Variants in NID2 observed in about 807,000 individuals in gnomAD.
NID2 encodes nidogen-2.
A neutral mutation model predicts 145.4 loss-of-function variants in NID2; 83 were observed. The ratio of observed to expected loss-of-function variants is 0.57; its 90% confidence interval spans 0.48 to 0.69. NID2 has a LOEUF of 0.69. Among genes scored for constraint, NID2 ranks in the 30% least tolerant of loss-of-function variants. NID2 has a pLI of 0.00. For synonymous variants in NID2, 739 were observed against 701.3 expected, an observed-to-expected ratio of 1.05 and a Z score of -0.85; for missense variants, 1,807 against 1,765.7, an observed-to-expected ratio of 1.02 and a Z score of -0.42.
intron 7 of NID2, 66 bp from the exon 8 acceptor site, chr14:52,040,917 A>G (rs917200050): frequency 1.4e-6 from 2 of 1,415,456 alleles, no homozygotes; most frequent in Non-Finnish European, 2.0e-6. Context: ...ACCAGTATAT[A>G]CTGCCCGCTC....
At position 52,005,805 on chromosome 14, in the gene NID2, TC is replaced by T; in HGVS notation, c.4048del (p.Asp1350MetfsTer14). The stretch of plus-strand genomic sequence containing the variant: ...AGATCGTTGTTCTGGGAGATACTCA[TC>T]AGTAAACTGGCCACTATGTTTATTT... The part of the protein sequence containing the change: ...SVNKHSGQFT[D>X]EYLPEQRSHL... On this transcript the variant is annotated frameshift_variant, in exon 21 of 22. Coordinates refer to ENST00000216286, the MANE Select transcript of NID2 (RefSeq NM_007361.4). LOFTEE classifies it high-confidence loss of function. The T allele has an allele frequency of 6.2e-7, 1 of 1,613,878 alleles. No homozygotes were observed. The highest frequency in any genetic ancestry group is 8.5e-7 in the Non-Finnish European group (1 of 1,179,786).
At chr14:52,043,821 T>C (rs1369819173) in intron 5 of NID2, among the ~76,000 whole-genome samples, 1 of 152,088 alleles carries the variant, frequency 6.6e-6, no homozygotes, top group Non-Finnish European at 1.5e-5. Context: ...AGGAGGGTGC[T>C]TTCTCCGGGG....
At position 52,007,809 on chromosome 14, in the gene NID2, C is replaced by T. The variant is rs781719710; in HGVS notation, c.3880+1G>A. ...TATTTGCATTCCATCAGTAGTATTA[C>T]CTGCATCTGCCCAGCAGAGCAGTTT... On this transcript the variant is annotated splice_donor_variant, in intron 19 of 21. Transcript: ENST00000216286. LOFTEE classifies it high-confidence loss of function. The T allele has an allele frequency of 6.2e-7, 1 of 1,612,946 alleles. No individual in the cohort carries two copies. The highest frequency in any genetic ancestry group is 8.5e-7 in the Non-Finnish European group (1 of 1,179,442).
chr14:52,045,041 G>A (rs1167967113), intron 5 of NID2, among the ~76,000 whole-genome samples: 2 of 152,188 alleles, frequency 1.3e-5, no homozygotes, highest in Non-Finnish European at 2.9e-5. Flanking sequence ...TCTAGCTGGA[G>A]AATCTTAACT....
intron 14 of NID2, among the ~76,000 whole-genome samples, chr14:52,015,644 G>A (rs1226443719): frequency 2.6e-5 from 4 of 152,176 alleles, no homozygotes; most frequent in South Asian, 2.1e-4. Context: ...TGTACCTCGG[G>A]CGCCTCTGCT....
chr14:52,030,471 C>CAA (rs2140378793), intron 9 of NID2, among the ~76,000 whole-genome samples: 2 of 23,012 alleles, frequency 8.7e-5, no homozygotes, highest in South Asian at 2.7e-3. Flanking sequence ...GACCTTATCT[C>CAA]GAGAGAAAGA....
At position 52,020,507 on chromosome 14, in the gene NID2, C is replaced by G. The variant is rs960491107; in HGVS notation, c.2675-329G>C. ...ATTCAAGGAAGTTATTACCTTTGAA[C>G]TAACCTTTAGACTATAAGTCATTAA... On this transcript the variant is annotated intron_variant, in intron 12 of 21. Coordinates refer to ENST00000216286, the MANE Select transcript of NID2 (RefSeq NM_007361.4). Among the ~76,000 whole-genome samples the G allele has an allele frequency of 3.3e-5, 5 of 152,316 alleles. No individual in the cohort carries two copies. The East Asian group carries it at 9.6e-4, about 29-fold the overall frequency.
intron 19 of NID2, 29 bp from the exon 20 acceptor site, chr14:52,006,689 C>T (rs769637376): frequency 2.5e-6 from 4 of 1,611,006 alleles, no homozygotes; most frequent in African/African-American, 1.3e-5. Flanking sequence ...AAAATGAGGT[C>T]CTTCAGCTGC....
Position 52,068,127 on chromosome 14 carries a change from G to A in NID2, c.265C>T (p.Pro89Ser), listed in dbSNP as rs1217333542. Residue 89 changes from proline (P) to serine (S), a missense_variant, in exon 2 of 22, where the codon CCC (proline) becomes TCC (serine). Physicochemically the swap from Pro to Ser is moderately conservative, Grantham distance 74. Transcript: ENST00000216286. Reference sequence around the variant, plus strand: ...TAGTCCACATACTGCGTTTCCCTGGGGAAGTCCTGAGTGGAGATGATGCCG... The same window carrying A: ...TAGTCCACATACTGCGTTTCCCTGGAGAAGTCCTGAGTGGAGATGATGCCG... Reference protein sequence around the residue: ...TNGIISTQDFPRETQYVDYDF... With the variant: ...TNGIISTQDFSRETQYVDYDF... 3.1e-6 allele frequency: 5 copies of A among 1,613,250 alleles called. No individual in the cohort carries two copies. In the African/African-American group the frequency reaches 6.7e-5, roughly 22 times the overall value.
chr14:52,062,250 GA>G (rs1346553932), intron 2 of NID2, among the ~76,000 whole-genome samples: 1 of 152,152 alleles, frequency 6.6e-6, no homozygotes, highest in Non-Finnish European at 1.5e-5. Flanking sequence ...CTCTAACCCA[GA>G]AAAAACAACA....
At chr14:52,057,733 GA>G (rs1892902844) in intron 3 of NID2, among the ~76,000 whole-genome samples, 1 of 130,978 alleles carries the variant, frequency 7.6e-6, no homozygotes, top group African/African-American at 2.8e-5. Context: ...AAAAAGAAAA[GA>G]AAAAAATGTA....
chr14:52,063,908 A>T (rs1207359866), intron 2 of NID2, among the ~76,000 whole-genome samples: 1 of 152,234 alleles, frequency 6.6e-6, no homozygotes, highest in Non-Finnish European at 1.5e-5. Context: ...GTGCTATCAC[A>T]TCCCTAATAC....
chr14:52,040,837 G>A lies in NID2; in HGVS notation c.1840C>T (p.His614Tyr), dbSNP rs1286155277. 6.2e-7 allele frequency: 1 copy of A among 1,614,030 alleles called. No homozygotes were observed. Among genetic ancestry groups the A allele is most frequent in the Non-Finnish European group, 8.5e-7 (1 of 1,180,014 alleles). ...GGGTAGAATGTAACTTCCATGTCAT[G>A]GGTAAAGGCAGCACCTGGAGATGAA... ...GFSLAGAAFT[H>Y]DMEVTFYPGE... Residue 614 changes from histidine (H) to tyrosine (Y), a missense_variant, in exon 8 of 22, where the codon CAT (histidine) becomes TAT (tyrosine). Coordinates refer to ENST00000216286, the MANE Select transcript of NID2 (RefSeq NM_007361.4).
intron 20 of NID2, chr14:52,006,064 A>C: frequency 1.8e-6 from 1 of 542,578 alleles, no homozygotes; most frequent in Non-Finnish European, 3.3e-6. Context: ...GAGCTATCAA[A>C]TCAGAGTTGT....
chr14:52,037,598 T>A (rs55751019), intron 9 of NID2, among the ~76,000 whole-genome samples: 6 of 152,180 alleles, frequency 3.9e-5, no homozygotes, highest in African/African-American at 1.4e-4. Context: ...AAGTCTGACT[T>A]TATTCTTTTC....
chr14:52,033,938 C>T (rs974811269), intron 9 of NID2, among the ~76,000 whole-genome samples: 2 of 152,144 alleles, frequency 1.3e-5, no homozygotes, highest in Non-Finnish European at 2.9e-5. Flanking sequence ...ACCCAGGTCA[C>T]TTACTATGAC....
At chr14:52,058,778 G>A (rs966723638) in intron 3 of NID2, among the ~76,000 whole-genome samples, 2 of 152,026 alleles carry the variant, frequency 1.3e-5, no homozygotes, top group African/African-American at 4.8e-5. Context: ...CAGGACCAGT[G>A]TCTTAGAAAT....
intron 12 of NID2, among the ~76,000 whole-genome samples, chr14:52,023,929 G>A (rs750729928): frequency 1.3e-5 from 2 of 152,166 alleles, no homozygotes; most frequent in Non-Finnish European, 2.9e-5. Flanking sequence ...AAGAGCATGT[G>A]CTTTAACAAT....
At chr14:52,046,654 T>C (rs1189459839) in intron 5 of NID2, among the ~76,000 whole-genome samples, 1 of 152,238 alleles carries the variant, frequency 6.6e-6, no homozygotes, top group Non-Finnish European at 1.5e-5. Context: ...TTGGAAGCTG[T>C]ACTACATTTT....
Sources: gnomAD v4.1 joint callset for allele counts (sites outside exome capture counted in the v4.1 genomes callset) on GRCh38, gnomAD v4.1.1 for gene constraint, MANE v1.5 for transcripts, NCBI Gene and HGNC (gene_info 2026-07-23, HGNC 2026-07-21) for gene names.